The following PLXDC2 variants were observed in gnomAD, a reference collection of about 807,000 sequenced individuals.
PLXDC2 encodes the protein plexin domain-containing protein 2.
Under a neutral mutation model 68.9 loss-of-function variants are expected in PLXDC2, and 40 were observed. The ratio of observed to expected loss-of-function variants is 0.58; its 90% CI spans 0.45 to 0.76. The LOEUF (loss-of-function observed/expected upper bound fraction) is 0.76. PLXDC2 is among the 30% of genes least tolerant of loss of function. The probability of loss-of-function intolerance (pLI) is 0.00; values close to 1 mark genes in which losing one functional copy is unlikely to be tolerated. For synonymous variants in PLXDC2, 243 were observed against 234.2 expected, an observed-to-expected ratio of 1.04 and a Z score of -0.34; for missense variants, 644 against 661.9, an observed-to-expected ratio of 0.97 and a Z score of 0.30.
At chr10:19,883,585 A>G (rs17757488) in intron 1 of PLXDC2, among the ~76,000 whole-genome samples, 6,924 of 152,168 alleles carry the variant, frequency 0.046, 205 homozygotes, top group Middle Eastern at 0.12. Context: ...AATCCTGAGA[A>G]CTTACGTCCC....
chr10:20,031,466 A>G lies in PLXDC2; in HGVS notation c.325-15403A>G, dbSNP rs11011750. 0.011 allele frequency among the ~76,000 whole-genome samples: 1,633 copies of G among 152,278 alleles called. 68 individuals are homozygous for G. The South Asian group carries it at 0.13, about 12-fold the overall frequency. ...AATTTACTTATAAATTTGATTCACT[A>G]TTCAGTTTTTGATTCTTGAAATATC... On this transcript the variant is annotated intron_variant, in intron 2 of 13. Coordinates refer to ENST00000377252, the MANE Select transcript of PLXDC2 (RefSeq NM_032812.9).
chr10:20,144,480 C>T (rs776475359), intron 5 of PLXDC2, among the ~76,000 whole-genome samples: 4 of 152,160 alleles, frequency 2.6e-5, no homozygotes, highest in East Asian at 1.9e-4. Context: ...ACACGTTGAA[C>T]ATCTTGAGTA....
intron 12 of PLXDC2, among the ~76,000 whole-genome samples, chr10:20,241,080 G>A (rs917705015): frequency 3.3e-5 from 5 of 152,140 alleles, no homozygotes; most frequent in Middle Eastern, 3.2e-3. Context: ...TGTACAAATT[G>A]TGTTATTAGA....
intron 1 of PLXDC2, among the ~76,000 whole-genome samples, chr10:19,826,255 T>C (rs1251325316): frequency 6.6e-6 from 1 of 152,212 alleles, no homozygotes; most frequent in Admixed American, 6.5e-5. Flanking sequence ...CTTTCAAGAA[T>C]TATTGCTTCT....
chr10:20,245,301 A>G (rs1420499042), intron 12 of PLXDC2, 44 bp from the exon 13 acceptor site: 2 of 1,543,522 alleles, frequency 1.3e-6, no homozygotes, highest in South Asian at 1.3e-5. Flanking sequence ...TGCAAACTTG[A>G]GGGTAAACTC....
chr10:19,945,527 G>A (rs574997489), intron 1 of PLXDC2, among the ~76,000 whole-genome samples: 15 of 152,256 alleles, frequency 9.9e-5, no homozygotes, highest in African/African-American at 3.4e-4. Flanking sequence ...TCTTGGCCTT[G>A]GTTTTTTATT....
chr10:20,242,065 C>G (rs1188841625), intron 12 of PLXDC2, among the ~76,000 whole-genome samples: 1 of 152,026 alleles, frequency 6.6e-6, no homozygotes, highest in Non-Finnish European at 1.5e-5. Context: ...ACAGTCAAGT[C>G]TTCATTTTTG....
intron 7 of PLXDC2, among the ~76,000 whole-genome samples, chr10:20,170,676 A>T (rs944455523): frequency 3.3e-5 from 5 of 151,976 alleles, no homozygotes; most frequent in Admixed American, 2.0e-4. Flanking sequence ...TCTGAATCGT[A>T]TAGTGTGATT....
intron 1 of PLXDC2, among the ~76,000 whole-genome samples, chr10:19,864,797 T>C (rs1158872326): frequency 2.0e-5 from 3 of 151,168 alleles, no homozygotes. Context: ...CTCAGGGGAG[T>C]AGGAAAACAA....
chr10:20,223,327 T>TTG (rs1398264834), intron 12 of PLXDC2, among the ~76,000 whole-genome samples: 9 of 151,024 alleles, frequency 6.0e-5, no homozygotes, highest in Non-Finnish European at 1.3e-4. Context: ...TTTTTTTTTT[T>TTG]TTTGAGATGG....
intron 4 of PLXDC2, among the ~76,000 whole-genome samples, chr10:20,112,784 A>G (rs531803153): frequency 6.6e-6 from 1 of 152,366 alleles, no homozygotes; most frequent in South Asian, 2.1e-4. Context: ...ACCGTGGAAT[A>G]TATGTGCTGT....
intron 1 of PLXDC2, among the ~76,000 whole-genome samples, chr10:19,920,980 T>C (rs747458296): frequency 2.0e-5 from 3 of 151,830 alleles, no homozygotes; most frequent in Non-Finnish European, 2.9e-5. Flanking sequence ...CAGGCTGGAG[T>C]TCAGTGGCAT....
chr10:20,183,457 G>C (rs1281613501), intron 9 of PLXDC2, among the ~76,000 whole-genome samples: 2 of 151,936 alleles, frequency 1.3e-5, no homozygotes, highest in African/African-American at 2.4e-5. Flanking sequence ...AAAGATGTGA[G>C]AAACAACAAT....
rs72795941 is a variant in PLXDC2, at chr10:20,275,500, G to A, written c.1474-4203G>A. The stretch of plus-strand genomic sequence containing the variant: ...TAAACTCCATGAGGGCTCGGGGAGC[G>A]CACGCAAGCAAGGAACTGTACACCA... On this transcript the variant is annotated intron_variant, in intron 13 of 13. Transcript: ENST00000377252. Among the ~76,000 whole-genome samples the A allele has an allele frequency of 6.1e-3, 933 of 152,268 alleles. 10 individuals are homozygous for A. The highest frequency in any genetic ancestry group is 9.7e-3 in the Non-Finnish European group (657 of 68,020).
intron 2 of PLXDC2, among the ~76,000 whole-genome samples, chr10:20,014,382 GCTTCCTTCCTTCCTTCCTTCCTTC>G (rs539488828): frequency 0.04 from 3,150 of 79,118 alleles, 73 homozygotes; most frequent in Middle Eastern, 0.06. Context: ...TTCCTTCCTT[GCTTCCTTCCTTCCTTCCTTCCTTC>G]CTTCCTTCCT....
intron 4 of PLXDC2, among the ~76,000 whole-genome samples, chr10:20,085,259 A>C (rs2131725087): frequency 6.6e-6 from 1 of 152,192 alleles, no homozygotes; most frequent in East Asian, 1.9e-4. Context: ...TGTGTTTCTC[A>C]ACAGTTTGTG....
chr10:20,216,014 G>A (rs1385074893), intron 10 of PLXDC2, among the ~76,000 whole-genome samples: 7 of 152,118 alleles, frequency 4.6e-5, no homozygotes, highest in East Asian at 1.9e-4. Flanking sequence ...CCCCCATGGC[G>A]GGTCTGTGTG....
chr10:19,940,078 A>G (rs1315177393), intron 1 of PLXDC2, among the ~76,000 whole-genome samples: 1 of 151,812 alleles, frequency 6.6e-6, no homozygotes, highest in African/African-American at 2.4e-5. Context: ...GTGATTTAAT[A>G]TAGTCATGCG....
intron 12 of PLXDC2, among the ~76,000 whole-genome samples, chr10:20,244,982 C>T (rs1835569854): frequency 2.6e-5 from 4 of 152,128 alleles, no homozygotes; most frequent in Admixed American, 2.6e-4. Context: ...GGTGTGGTGA[C>T]TCACACCTGT....
Sources: allele counts gnomAD v4.1 joint callset (sites outside exome capture counted in the v4.1 genomes callset), GRCh38; gene constraint gnomAD v4.1.1; transcripts MANE v1.5; gene names NCBI Gene and HGNC (gene_info 2026-07-23, HGNC 2026-07-21).